The following ERC2 variants were observed in gnomAD, a reference collection of about 807,000 sequenced individuals.
The protein encoded by ERC2 is ELKS/RAB6-interacting/CAST family member 2, also known as ERC protein 2.
In ERC2, 42 loss-of-function variants were observed where a neutral mutation model predicts 114.8. The ratio of observed to expected loss-of-function variants is 0.37; its 90% CI spans 0.29 to 0.47. The LOEUF (loss-of-function observed/expected upper bound fraction) is 0.47, where lower values mean the gene tolerates loss of function less well. Ranked by LOEUF, ERC2 falls within the 20% of genes least tolerant of loss-of-function variation. The pLI, the probability that ERC2 is intolerant of heterozygous loss-of-function variation, is 0.99. For synonymous variants in ERC2, 454 were observed against 425.5 expected, an observed-to-expected ratio of 1.07 and a Z score of -0.82; for missense variants, 939 against 1,150.7, an observed-to-expected ratio of 0.82 and a Z score of 2.66.
chr3:56,069,409 T>A lies in ERC2; in HGVS notation c.1641+11408A>T, dbSNP rs983975410. 9.2e-5 allele frequency among the ~76,000 whole-genome samples: 14 copies of A among 152,262 alleles called. No individual in the cohort carries two copies. The East Asian group carries it at 2.7e-3, about 29-fold the overall frequency. On this transcript the variant is annotated intron_variant, in intron 7 of 17. Transcript: ENST00000288221. ...TGCCACCAAATGACTTAAAACAACATCCATTTATTAGTTCACAGTTGTGTA... is the reference window on the plus strand; with the variant it reads ...TGCCACCAAATGACTTAAAACAACAACCATTTATTAGTTCACAGTTGTGTA...
In ERC2 at chr3:56,367,514, C is replaced by T. The variant is rs562678111; in HGVS notation, c.657+66837G>A. ...AACTCCCTTCCTTTTCCCAACAACT[C>T]TCCTAAGGCCCCAAGATGCCACTTG... On this transcript the variant is annotated intron_variant, in intron 2 of 17. Coordinates refer to ENST00000288221, the MANE Select transcript of ERC2 (RefSeq NM_015576.3). 4.7e-4 allele frequency among the ~76,000 whole-genome samples: 71 copies of T among 152,242 alleles called. No individual in the cohort carries two copies. In the Middle Eastern group the frequency reaches 0.01, roughly 22 times the overall value.
chr3:55,708,862 GGA>G (rs34567802), intron 15 of ERC2, among the ~76,000 whole-genome samples: 77,638 of 149,766 alleles, frequency 0.52, 20,745 homozygotes, highest in South Asian at 0.69. Context: ...AAGAGAAAGA[GGA>G]GAGAGAGAGA....
intron 7 of ERC2, among the ~76,000 whole-genome samples, chr3:56,058,770 T>C (rs1333436889): frequency 6.6e-6 from 1 of 152,154 alleles, no homozygotes; most frequent in Non-Finnish European, 1.5e-5. Context: ...CTTTCCTGGG[T>C]CTCCAGCCTG....
At chr3:55,837,020 G>T (rs2060921194) in intron 14 of ERC2, among the ~76,000 whole-genome samples, 1 of 152,148 alleles carries the variant, frequency 6.6e-6, no homozygotes, top group Non-Finnish European at 1.5e-5. Context: ...ACCATCACTG[G>T]CCATCAGAGA....
At chr3:55,591,081 C>A (rs1350860907) in intron 17 of ERC2, among the ~76,000 whole-genome samples, 6 of 152,120 alleles carry the variant, frequency 3.9e-5, no homozygotes, top group Non-Finnish European at 7.4e-5. Context: ...CCCACCTTGG[C>A]CTCCCAAAGT....
At chr3:55,800,054 G>A (rs746445699) in intron 14 of ERC2, among the ~76,000 whole-genome samples, 5 of 152,168 alleles carry the variant, frequency 3.3e-5, no homozygotes, top group Non-Finnish European at 2.9e-5. Context: ...ATGGAAATGT[G>A]ATTACTAGTG....
chr3:55,841,104 T>A (rs1344509156), intron 14 of ERC2, among the ~76,000 whole-genome samples: 1 of 152,222 alleles, frequency 6.6e-6, no homozygotes, highest in East Asian at 1.9e-4. Flanking sequence ...TATGTATAAT[T>A]TATTGTATGT....
intron 14 of ERC2, among the ~76,000 whole-genome samples, chr3:55,810,431 C>G (rs1051879903): frequency 1.3e-5 from 2 of 151,632 alleles, no homozygotes; most frequent in Admixed American, 6.6e-5. Context: ...GTTTTTTTCA[C>G]TCAGTGATAT....
intron 14 of ERC2, among the ~76,000 whole-genome samples, chr3:55,873,380 C>G (rs1225144075): frequency 6.6e-6 from 1 of 152,200 alleles, no homozygotes; most frequent in Non-Finnish European, 1.5e-5. Flanking sequence ...TACTTAACCT[C>G]TCTGAGCCTC....
At chr3:56,448,292 A>G (rs1198026861) in intron 1 of ERC2, among the ~76,000 whole-genome samples, 1 of 152,240 alleles carries the variant, frequency 6.6e-6, no homozygotes, top group Non-Finnish European at 1.5e-5. Flanking sequence ...CTTAGAGCCC[A>G]TGGCAAGAGT....
chr3:55,684,233 A>G (rs1485357206), intron 16 of ERC2, among the ~76,000 whole-genome samples: 1 of 152,186 alleles, frequency 6.6e-6, no homozygotes, highest in African/African-American at 2.4e-5. Flanking sequence ...AAGTAAGCAG[A>G]GAAGTAATTA....
intron 17 of ERC2, among the ~76,000 whole-genome samples, chr3:55,670,836 G>GT (rs1475885350): frequency 6.6e-6 from 1 of 152,170 alleles, no homozygotes; most frequent in Non-Finnish European, 1.5e-5. Context: ...AGTTGGGGGG[G>GT]AATTTTTTTA....
At chr3:55,604,690 A>G (rs115665288) in intron 17 of ERC2, among the ~76,000 whole-genome samples, 210 of 152,286 alleles carry the variant, frequency 1.4e-3, no homozygotes, top group African/African-American at 4.9e-3. Context: ...GCCTGGAGGG[A>G]TTTAAGAAGG....
At chr3:55,819,934 C>T (rs1262496149) in intron 14 of ERC2, among the ~76,000 whole-genome samples, 2 of 152,262 alleles carry the variant, frequency 1.3e-5, no homozygotes, top group East Asian at 1.9e-4. Flanking sequence ...ATTTTGGCTG[C>T]GTGCAATGGA....
chr3:55,931,629 C>A (rs2066096502), intron 13 of ERC2, among the ~76,000 whole-genome samples: 1 of 152,056 alleles, frequency 6.6e-6, no homozygotes, highest in African/African-American at 2.4e-5. Context: ...GGAGGGATAG[C>A]ATTAGGAAAA....
intron 7 of ERC2, among the ~76,000 whole-genome samples, chr3:56,029,668 T>C (rs914176891): frequency 2.0e-5 from 3 of 151,948 alleles, no homozygotes; most frequent in Non-Finnish European, 4.4e-5. Flanking sequence ...GGAACTGTAA[T>C]GATAGCTTCT....
intron 2 of ERC2, among the ~76,000 whole-genome samples, chr3:56,432,406 G>A (rs138216536): frequency 6.6e-6 from 1 of 152,238 alleles, no homozygotes; most frequent in African/African-American, 2.4e-5. Flanking sequence ...TAAAACTGGG[G>A]GGAAATGTGC....
At chr3:56,422,017 G>A (rs2061408175) in intron 2 of ERC2, among the ~76,000 whole-genome samples, 1 of 152,124 alleles carries the variant, frequency 6.6e-6, no homozygotes, top group Admixed American at 6.5e-5. Flanking sequence ...CCCAAGAGAG[G>A]AAGATCTGAT....
chr3:56,191,543 G>A (rs574626762), intron 3 of ERC2, among the ~76,000 whole-genome samples: 1 of 152,294 alleles, frequency 6.6e-6, no homozygotes, highest in African/African-American at 2.4e-5. Context: ...GGGGAGTAAG[G>A]TCCAGAGAGG....
Sources: gnomAD v4.1 joint callset for allele counts (sites outside exome capture counted in the v4.1 genomes callset) on GRCh38, gnomAD v4.1.1 for gene constraint, MANE v1.5 for transcripts, NCBI Gene and HGNC (gene_info 2026-07-23, HGNC 2026-07-21) for gene names.